IL23R: variants seen among roughly 807,000 people sequenced by gnomAD.
IL23R encodes the protein interleukin-23 receptor.
A neutral mutation model predicts 56.9 loss-of-function variants in IL23R; 34 were observed. That is an observed-to-expected ratio of 0.60 (90% CI 0.45 to 0.80). IL23R has a LOEUF of 0.80. IL23R is among the 30% of genes least tolerant of loss of function. The pLI, the probability that IL23R is intolerant of heterozygous loss-of-function variation, is 0.00. For synonymous variants in IL23R, 230 were observed against 249.2 expected, an observed-to-expected ratio of 0.92 and a Z score of 0.73; for missense variants, 635 against 730.0, an observed-to-expected ratio of 0.87 and a Z score of 1.50.
chr1:67,229,571 T>C lies in IL23R; in HGVS notation c.956-7142T>C, dbSNP rs191867292. 1.3e-3 allele frequency among the ~76,000 whole-genome samples: 201 copies of C among 152,266 alleles called. 2 individuals carry two copies. The highest frequency in any genetic ancestry group is 4.7e-3 in the African/African-American group (196 of 41,554). On this transcript the variant is annotated intron_variant, in intron 7 of 10. Coordinates refer to ENST00000347310, the MANE Select transcript of IL23R (RefSeq NM_144701.3). ...TCCCCTCTGGGAGGTTGGGGATGGG[T>C]TGAAAAATCCCAACCTTCTAATCGT...
chr1:67,182,739 C>A, intron 3 of IL23R, 97 bp from the exon 4 acceptor site: 1 of 1,265,552 alleles, frequency 7.9e-7, no homozygotes. Flanking sequence ...ACGCTGGGAG[C>A]TGTAGACTGG....
chr1:67,212,858 T>A (rs766625260), intron 6 of IL23R, among the ~76,000 whole-genome samples: 9 of 151,910 alleles, frequency 5.9e-5, no homozygotes, highest in Non-Finnish European at 8.8e-5. Context: ...CCTGGCTAAG[T>A]CATGCAATCT....
Position 67,255,884 on chromosome 1 carries a change from A to G in IL23R, c.1196A>G (p.Asp399Gly). The G allele has an allele frequency of 6.2e-7, 1 of 1,603,558 alleles. No individual in the cohort carries two copies. Among genetic ancestry groups the G allele is most frequent in the South Asian group, 1.1e-5 (1 of 90,888 alleles). ...LLLIPKWLYE[D>G]IPNMKNSNVV... ...TTAATACCAAAGTGGCTTTATGAAG[A>G]TATTCCTAATATGAAAAACAGCAAT... The change falls in exon 10 of 11, where the codon GAT becomes GGT. Residue 399 changes from aspartate (D) to glycine (G), a missense_variant. Coordinates refer to ENST00000347310, the MANE Select transcript of IL23R (RefSeq NM_144701.3).
At chr1:67,240,852 G>A (rs1234054525) in intron 9 of IL23R, among the ~76,000 whole-genome samples, 1 of 152,134 alleles carries the variant, frequency 6.6e-6, no homozygotes, top group Non-Finnish European at 1.5e-5. Context: ...AAAAAAAAAA[G>A]TGACACATAG....
intron 3 of IL23R, among the ~76,000 whole-genome samples, chr1:67,181,617 CCTT>C (rs1647143412): frequency 6.6e-6 from 1 of 152,180 alleles, no homozygotes; most frequent in African/African-American, 2.4e-5. Context: ...TCTTCTGAAG[CCTT>C]CTTCTCTCAA....
chr1:67,146,978 C>G (rs75098619), intron 1 of IL23R, among the ~76,000 whole-genome samples: 23 of 152,248 alleles, frequency 1.5e-4, no homozygotes, highest in African/African-American at 5.3e-4. Flanking sequence ...AATCATAGAA[C>G]TTCAGTTCTC....
chr1:67,215,147 G>A (rs551954797), intron 6 of IL23R, among the ~76,000 whole-genome samples: 35 of 152,284 alleles, frequency 2.3e-4, no homozygotes, highest in Middle Eastern at 3.4e-3. Flanking sequence ...GTAGATTGCC[G>A]ATGCTCCCAG....
At chr1:67,261,184 T>C (rs1244598405), downstream of IL23R, among the ~76,000 whole-genome samples, 3 of 151,992 alleles carry the variant, frequency 2.0e-5, no homozygotes, top group African/African-American at 7.2e-5. Context: ...TTTCTGTCCA[T>C]TGTCCTATTG....
At chr1:67,197,938 AAAAAGAAAAG>A (rs148930191) in intron 4 of IL23R, among the ~76,000 whole-genome samples, 24 of 73,316 alleles carry the variant, frequency 3.3e-4, no homozygotes, top group South Asian at 2.4e-3. Context: ...CCTGTCATTA[AAAAAGAAAAG>A]AAAAGAAAAG....
chr1:67,251,269 G>A (rs900358276), intron 9 of IL23R, among the ~76,000 whole-genome samples: 2 of 152,012 alleles, frequency 1.3e-5, no homozygotes, highest in Non-Finnish European at 2.9e-5. Context: ...TGGCTAACAC[G>A]GTGAAACCCC....
intron 4 of IL23R, among the ~76,000 whole-genome samples, chr1:67,197,494 C>T (rs544309044): frequency 1.2e-4 from 18 of 152,258 alleles, no homozygotes; most frequent in African/African-American, 3.4e-4. Context: ...GAAAATACTT[C>T]CATGTTACAA....
intron 7 of IL23R, among the ~76,000 whole-genome samples, chr1:67,226,326 A>T (rs1323342041): frequency 6.6e-6 from 1 of 152,182 alleles, no homozygotes; most frequent in Admixed American, 6.5e-5. Flanking sequence ...GGTCACACAC[A>T]GATTTGAAGG....
At chr1:67,172,874 T>C (rs1284548496) in intron 3 of IL23R, among the ~76,000 whole-genome samples, 1 of 152,198 alleles carries the variant, frequency 6.6e-6, no homozygotes, top group Non-Finnish European at 1.5e-5. Context: ...TGTTATTATC[T>C]TAATCAAGCC....
At chr1:67,249,098 G>C (rs912178051) in intron 9 of IL23R, among the ~76,000 whole-genome samples, 1 of 152,158 alleles carries the variant, frequency 6.6e-6, no homozygotes, top group Non-Finnish European at 1.5e-5. Context: ...GACCAGACCT[G>C]TTCCTATTCA....
At chr1:67,153,261 G>A (rs1027368404) in intron 1 of IL23R, among the ~76,000 whole-genome samples, 5 of 152,084 alleles carry the variant, frequency 3.3e-5, no homozygotes, top group African/African-American at 1.2e-4. Flanking sequence ...TTCCCTGATG[G>A]TAGTTTGTAT....
intron 9 of IL23R, among the ~76,000 whole-genome samples, chr1:67,249,553 A>G (rs1652479847): frequency 6.6e-6 from 1 of 152,216 alleles, no homozygotes; most frequent in Admixed American, 6.5e-5. Context: ...ATACTCAGAC[A>G]TTAGAATTTT....
downstream of IL23R, among the ~76,000 whole-genome samples, chr1:67,261,300 A>G (rs1653194002): frequency 6.7e-6 from 1 of 150,092 alleles, no homozygotes; most frequent in Non-Finnish European, 1.5e-5. Context: ...CATGTAAGTA[A>G]TTCATCAGAA....
chr1:67,245,850 T>G (rs1652183676), intron 9 of IL23R, among the ~76,000 whole-genome samples: 1 of 152,206 alleles, frequency 6.6e-6, no homozygotes, highest in Non-Finnish European at 1.5e-5. Context: ...GTATTCCCTC[T>G]TTTTCTACTG....
intron 6 of IL23R, among the ~76,000 whole-genome samples, chr1:67,215,584 G>A (rs1649777275): frequency 6.6e-6 from 1 of 152,176 alleles, no homozygotes; most frequent in African/African-American, 2.4e-5. Flanking sequence ...ATGGGAGAAC[G>A]TTCAAAGCTA....
Sources: gnomAD v4.1 joint callset for allele counts (sites outside exome capture counted in the v4.1 genomes callset) on GRCh38, gnomAD v4.1.1 for gene constraint, MANE v1.5 for transcripts, NCBI Gene and HGNC (gene_info 2026-07-23, HGNC 2026-07-21) for gene names.